ARHGAP42: variants seen among roughly 807,000 people sequenced by gnomAD.
ARHGAP42 encodes the protein Rho GTPase activating protein 42.
A neutral mutation model predicts 125.0 loss-of-function variants in ARHGAP42; 63 were observed. That is an observed-to-expected ratio of 0.50 (90% CI 0.41 to 0.62). The LOEUF is 0.62. Among genes scored for constraint, ARHGAP42 ranks in the 20% least tolerant of loss-of-function variants. The pLI, the probability that ARHGAP42 is intolerant of heterozygous loss-of-function variation, is 0.00. For synonymous variants in ARHGAP42, 339 were observed against 351.0 expected (o/e 0.97, Z 0.38); for missense variants, 766 against 1,024.2 (o/e 0.75, Z 3.44).
chr11:100,855,975 T>C (rs576797075), intron 3 of ARHGAP42, among the ~76,000 whole-genome samples: 78 of 152,108 alleles, frequency 5.1e-4, no homozygotes, highest in Non-Finnish European at 9.7e-4. Flanking sequence ...ATCTTATCAA[T>C]ATTTAGGGAG....
At chr11:100,885,312 G>T (rs73571629) in intron 4 of ARHGAP42, among the ~76,000 whole-genome samples, 1 of 152,142 alleles carries the variant, frequency 6.6e-6, no homozygotes, top group African/African-American at 2.4e-5. Flanking sequence ...GGAACTAAGT[G>T]TATTGGTTAG....
At chr11:100,779,571 C>T (rs563653069) in intron 2 of ARHGAP42, among the ~76,000 whole-genome samples, 11 of 120,316 alleles carry the variant, frequency 9.1e-5, no homozygotes, top group Middle Eastern at 4.8e-3. Flanking sequence ...CGTATATATA[C>T]GTATATATAC....
At chr11:100,689,833 G>T (rs574761841) in intron 1 of ARHGAP42, among the ~76,000 whole-genome samples, 2 of 152,272 alleles carry the variant, frequency 1.3e-5, no homozygotes, top group African/African-American at 4.8e-5. Context: ...GCTGCCAAAT[G>T]GGAGGGATTT....
chr11:100,843,578 T>A (rs753901130), intron 3 of ARHGAP42, among the ~76,000 whole-genome samples: 12 of 152,076 alleles, frequency 7.9e-5, no homozygotes, highest in South Asian at 2.1e-4. Flanking sequence ...AAAAAACTCC[T>A]AGAACTGATA....
At chr11:100,855,789 A>G (rs115848700) in intron 3 of ARHGAP42, among the ~76,000 whole-genome samples, 84 of 152,264 alleles carry the variant, frequency 5.5e-4, no homozygotes, top group African/African-American at 1.9e-3. Context: ...ATTACCAAAT[A>G]TCAGATTTGC....
intron 3 of ARHGAP42, among the ~76,000 whole-genome samples, chr11:100,831,967 A>T (rs991493926): frequency 6.6e-6 from 1 of 152,222 alleles, no homozygotes. Context: ...ATCAAATAGG[A>T]CTTTAGTAAA....
intron 2 of ARHGAP42, among the ~76,000 whole-genome samples, chr11:100,779,042 C>A (rs1041078387): frequency 6.6e-6 from 1 of 151,928 alleles, no homozygotes; most frequent in Admixed American, 6.6e-5. Context: ...TTATTTGTAG[C>A]AAAGATTTAA....
chr11:100,797,967 A>T (rs1863761915), intron 3 of ARHGAP42, among the ~76,000 whole-genome samples: 1 of 152,228 alleles, frequency 6.6e-6, no homozygotes, highest in East Asian at 1.9e-4. Flanking sequence ...CTCATGGATG[A>T]CTTGGAGAGG....
At chr11:100,793,730 T>A (rs1341032327) in intron 2 of ARHGAP42, among the ~76,000 whole-genome samples, 1 of 152,180 alleles carries the variant, frequency 6.6e-6, no homozygotes, top group Non-Finnish European at 1.5e-5. Flanking sequence ...TCTCACAGGA[T>A]GTTTCCGGTA....
chr11:100,924,929 G>A (rs1867379939), intron 6 of ARHGAP42, among the ~76,000 whole-genome samples: 1 of 151,988 alleles, frequency 6.6e-6, no homozygotes, highest in Non-Finnish European at 1.5e-5. Context: ...CCAGGTTTAA[G>A]TGATTCTCCT....
intron 5 of ARHGAP42, 44 bp from the exon 6 acceptor site, chr11:100,921,450 C>G (rs1318774559): frequency 7.3e-7 from 1 of 1,371,242 alleles, no homozygotes; most frequent in African/African-American, 1.5e-5. Flanking sequence ...GAGTCCCTCT[C>G]TATGTAGAAC....
intron 1 of ARHGAP42, among the ~76,000 whole-genome samples, chr11:100,697,865 G>A (rs1418119218): frequency 2.0e-5 from 3 of 152,082 alleles, no homozygotes; most frequent in South Asian, 4.1e-4. Flanking sequence ...GGGGCCAAAC[G>A]GTGGGAGTGG....
At chr11:100,984,260 A>G (rs761125932) in intron 22 of ARHGAP42, among the ~76,000 whole-genome samples, 1 of 151,954 alleles carries the variant, frequency 6.6e-6, no homozygotes, top group Non-Finnish European at 1.5e-5. Flanking sequence ...ACGCATTAAC[A>G]TTGTTTCATT....
chr11:100,871,767 G>A (rs1025312579), intron 4 of ARHGAP42, among the ~76,000 whole-genome samples: 2 of 152,098 alleles, frequency 1.3e-5, no homozygotes, highest in South Asian at 4.1e-4. Flanking sequence ...TTTTTAGATG[G>A]AGTTTCACTC....
intron 4 of ARHGAP42, among the ~76,000 whole-genome samples, chr11:100,884,633 C>T (rs143165009): frequency 7.9e-4 from 121 of 152,222 alleles, no homozygotes; most frequent in Non-Finnish European, 1.5e-3. Context: ...AGCTTCGTGG[C>T]ACATTTCCTG....
intron 3 of ARHGAP42, among the ~76,000 whole-genome samples, chr11:100,858,958 T>G (rs1324953014): frequency 1.3e-5 from 2 of 152,110 alleles, no homozygotes; most frequent in East Asian, 3.8e-4. Flanking sequence ...TTATTTGTTT[T>G]AAAGTTTAAG....
intron 1 of ARHGAP42, among the ~76,000 whole-genome samples, chr11:100,734,390 C>T (rs1862023261): frequency 6.6e-6 from 1 of 152,150 alleles, no homozygotes; most frequent in Non-Finnish European, 1.5e-5. Context: ...AGCGATTCTT[C>T]TACCTCAGCC....
rs140968487 is a variant in ARHGAP42, at chr11:100,793,097, G to A, written c.251-2008G>A. 1.5e-3 allele frequency among the ~76,000 whole-genome samples: 222 copies of A among 152,116 alleles called. 1 individual carries two copies. Among genetic ancestry groups the A allele is most frequent in the African/African-American group, 5.0e-3 (208 of 41,504 alleles). The stretch of plus-strand genomic sequence containing the variant: ...AAAACATACTTATTGTTACACTCAG[G>A]CAACCCAAACTGACCTACCTCTTGA... On this transcript the variant is annotated intron_variant, in intron 2 of 23. Transcript: ENST00000298815.
At chr11:100,745,212 A>C (rs1031283931) in intron 1 of ARHGAP42, among the ~76,000 whole-genome samples, 1 of 152,226 alleles carries the variant, frequency 6.6e-6, no homozygotes. Flanking sequence ...AGAATTGAAC[A>C]TACTCACATA....
Sources: gnomAD v4.1 joint callset for allele counts (sites outside exome capture counted in the v4.1 genomes callset) on GRCh38, gnomAD v4.1.1 for gene constraint, MANE v1.5 for transcripts, NCBI Gene and HGNC (gene_info 2026-07-23, HGNC 2026-07-21) for gene names.